ELFN1: variants seen among roughly 807,000 people sequenced by gnomAD.
ELFN1 encodes protein ELFN1.
Under a neutral mutation model 7.6 loss-of-function variants are expected in ELFN1, and 6 were observed. The ratio of observed to expected loss-of-function variants is 0.79; its 90% CI spans 0.43 to 1.56. The LOEUF (loss-of-function observed/expected upper bound fraction) is 1.56, where lower values mean the gene tolerates loss of function less well. Among genes scored for constraint, ELFN1 ranks in the 40% most tolerant of loss-of-function variants. The pLI, the probability that ELFN1 is intolerant of heterozygous loss-of-function variation, is 0.01. For synonymous variants in ELFN1, 657 were observed against 588.1 expected, an observed-to-expected ratio of 1.12 and a Z score of -1.70; for missense variants, 1,169 against 1,232.2, an observed-to-expected ratio of 0.95 and a Z score of 0.77.
chr7:1,687,642 A>G (rs753342930), intron 1 of ELFN1, among the ~76,000 whole-genome samples: 30 of 152,192 alleles, frequency 2.0e-4, no homozygotes, highest in Non-Finnish European at 3.8e-4. Context: ...GATCAACTGG[A>G]TTAGTATACC....
At chr7:1,690,955 GGATGATACATACAGA>G (rs1470450548) in intron 2 of ELFN1, among the ~76,000 whole-genome samples, 1 of 152,138 alleles carries the variant, frequency 6.6e-6, no homozygotes, top group Non-Finnish European at 1.5e-5. Flanking sequence ...ATGAATGAGT[GGATGATACATACAGA>G]GACCTACAGG....
rs539269211 is a variant in ELFN1 at position 1,693,915 on chromosome 7, C to T, written c.-456+5765C>T. On this transcript the variant is annotated intron_variant, in intron 2 of 3. Coordinates refer to ENST00000424383, the MANE Select transcript of ELFN1 (RefSeq NM_001128636.4). Reference sequence around the variant, plus strand: ...GTCCATGCCACCTCCTCCTGCGTGCCGGCAAGGTGGGCAGCACTCGGGAAG... The same window carrying T: ...GTCCATGCCACCTCCTCCTGCGTGCTGGCAAGGTGGGCAGCACTCGGGAAG... 110 of 399,398 alleles carry T rather than the reference C, an allele frequency of 2.8e-4. 1 individual carries two copies. The highest frequency in any genetic ancestry group is 4.1e-4 in the African/African-American group (20 of 48,368). 24.7% of individuals were successfully genotyped at this position (399,398 alleles called of 1,614,324 possible).
At chr7:1,668,278 C>G (rs1174914720), upstream of ELFN1, among the ~76,000 whole-genome samples, 4 of 152,228 alleles carry the variant, frequency 2.6e-5, no homozygotes, top group Admixed American at 6.5e-5. Flanking sequence ...ACTCATCATG[C>G]CTGCTCCTGG....
intron 3 of ELFN1, among the ~76,000 whole-genome samples, chr7:1,717,467 C>T (rs767639296): frequency 8.5e-5 from 13 of 152,190 alleles, no homozygotes; most frequent in Non-Finnish European, 1.6e-4. Context: ...GGCAGTGTGT[C>T]CAGTCTGCAG....
chr7:1,722,842 G>A (rs1251836300), intron 3 of ELFN1, among the ~76,000 whole-genome samples: 1 of 152,054 alleles, frequency 6.6e-6, no homozygotes, highest in African/African-American at 2.4e-5. Context: ...CCCCTTCCCA[G>A]CTTAGTCCCT....
At chr7:1,734,569 A>G (rs1367672271) in intron 3 of ELFN1, among the ~76,000 whole-genome samples, 1 of 152,070 alleles carries the variant, frequency 6.6e-6, no homozygotes, top group East Asian at 1.9e-4. Flanking sequence ...GGCAGAGGGG[A>G]CCAGGCACCC....
chr7:1,689,448 C>T lies in ELFN1; in HGVS notation c.-456+1298C>T, dbSNP rs573021761. Among the ~76,000 whole-genome samples the T allele has an allele frequency of 2.8e-4, 42 of 152,306 alleles. No individual in the cohort carries two copies. In the South Asian group the frequency reaches 8.1e-3, roughly 29 times the overall value. On this transcript the variant is annotated intron_variant, in intron 2 of 3. Transcript: ENST00000424383. The stretch of plus-strand genomic sequence containing the variant: ...CAGATTCCCGGCTCAGTCCCCAAGC[C>T]ACTGGTTGCTAAGGAACCATGAATA...
intron 2 of ELFN1, chr7:1,692,159 C>T (rs1779179898): frequency 6.6e-6 from 1 of 152,374 alleles, no homozygotes; most frequent in African/African-American, 2.4e-5. Flanking sequence ...GCTGCTGGGC[C>T]TCAGTTTCTC....
chr7:1,667,805 G>C (rs1028360368), upstream of ELFN1, among the ~76,000 whole-genome samples: 4 of 152,166 alleles, frequency 2.6e-5, no homozygotes, highest in African/African-American at 9.6e-5. This position sits in a 1 kb window ranked among gnomAD's most constrained non-coding sequence, Gnocchi z 8.2. Context: ...GGCAGGGGGC[G>C]TGGAGCGCGG....
intron 2 of ELFN1, among the ~76,000 whole-genome samples, chr7:1,701,865 CA>C (rs1779434353): frequency 6.6e-6 from 1 of 152,106 alleles, no homozygotes; most frequent in African/African-American, 2.4e-5. Context: ...CTTTATCTTT[CA>C]AAATGTATAG....
intron 2 of ELFN1, among the ~76,000 whole-genome samples, chr7:1,701,191 T>G (rs1205428198): frequency 2.0e-5 from 3 of 152,104 alleles, no homozygotes; most frequent in Non-Finnish European, 4.4e-5. Flanking sequence ...TGTGCGTGTG[T>G]GTGCATATTT....
intron 1 of ELFN1, among the ~76,000 whole-genome samples, chr7:1,682,150 C>T (rs1778985470): frequency 6.6e-6 from 1 of 151,986 alleles, no homozygotes; most frequent in African/African-American, 2.4e-5. Context: ...TTTTATGGAG[C>T]ATGTTTTGGG....
chr7:1,709,628 T>C (rs1369658986), intron 3 of ELFN1, among the ~76,000 whole-genome samples: 1 of 152,278 alleles, frequency 6.6e-6, no homozygotes, highest in African/African-American at 2.4e-5. Context: ...TGATCAGATA[T>C]GGTCCAGTGT....
chr7:1,708,282 C>T (rs1189220904), intron 2 of ELFN1, among the ~76,000 whole-genome samples: 3 of 152,202 alleles, frequency 2.0e-5, no homozygotes, highest in Admixed American at 1.3e-4. Flanking sequence ...GAAGCAAGTA[C>T]GCTGGTGAAA....
rs765575933 is a variant in ELFN1, at chr7:1,740,817, G to A, written c.-293-3487G>A. Among the ~76,000 whole-genome samples the A allele has an allele frequency of 6.6e-5, 10 of 152,188 alleles. No individual in the cohort carries two copies. The highest frequency in any genetic ancestry group is 1.2e-4 in the African/African-American group (5 of 41,456). ...TGCCTCAGTTTCCCCGCTGTAAAGT[G>A]AGCTGCAGAATGAAAACTTCGGGGC... is the stretch of plus-strand genomic sequence containing the variant. On this transcript the variant is annotated intron_variant, in intron 3 of 3. Coordinates refer to ENST00000424383, the MANE Select transcript of ELFN1 (RefSeq NM_001128636.4). The surrounding 1 kb of genome is among the most constrained non-coding windows in gnomAD (Gnocchi z 5.0).
chr7:1,688,095 A>G lies in ELFN1; in HGVS notation c.-511A>G, dbSNP rs1779091615. 1 of 150,198 alleles carries G rather than the reference A, an allele frequency of 6.7e-6. No homozygotes were observed. The highest frequency in any genetic ancestry group is 1.5e-5 in the Non-Finnish European group (1 of 67,692). 9.3% of individuals were successfully genotyped at this position (150,198 alleles called of 1,614,324 possible). A position where few individuals can be genotyped will look rare whatever the true frequency, so the allele number is the denominator to read the frequency against. ...CCTGTGTTGCCCAGACGGGTCTCAA[A>G]TTCCTGGACTTAAGCGATTCTCCTA... On this transcript the variant is annotated 5_prime_UTR_variant, in exon 2 of 4. Coordinates refer to ENST00000424383, the MANE Select transcript of ELFN1 (RefSeq NM_001128636.4).
chr7:1,692,602 G>A (rs149018495), intron 2 of ELFN1, among the ~76,000 whole-genome samples: 116 of 152,362 alleles, frequency 7.6e-4, no homozygotes, highest in African/African-American at 2.5e-3. Context: ...CGTCATGTAC[G>A]CTAGATGCAG....
upstream of ELFN1, among the ~76,000 whole-genome samples, chr7:1,668,324 C>T (rs545465459): frequency 6.6e-6 from 1 of 152,370 alleles, no homozygotes; most frequent in South Asian, 2.1e-4. Context: ...CTCCTCCGGG[C>T]AGGCGCCCAG....
At chr7:1,715,146 C>T (rs889879573) in intron 3 of ELFN1, among the ~76,000 whole-genome samples, 1 of 152,202 alleles carries the variant, frequency 6.6e-6, no homozygotes, top group Non-Finnish European at 1.5e-5. Flanking sequence ...AGAGAAGAGC[C>T]GTTCTCTTGC....
Sources: allele counts gnomAD v4.1 joint callset (sites outside exome capture counted in the v4.1 genomes callset), GRCh38; gene constraint gnomAD v4.1.1; non-coding constraint Gnocchi (gnomAD v3.1); transcripts MANE v1.5; gene names NCBI Gene and HGNC (gene_info 2026-07-23, HGNC 2026-07-21).